The following GPR63 variants were observed in gnomAD, a reference collection of about 807,000 sequenced individuals.
The protein encoded by GPR63 is G protein-coupled receptor 63, also known as probable G protein-coupled receptor 63.
A neutral mutation model predicts 23.1 loss-of-function variants in GPR63; 12 were observed. The ratio of observed to expected loss-of-function variants is 0.52; its 90% CI spans 0.33 to 0.84. GPR63 has a LOEUF of 0.84. GPR63 is among the 40% of genes least tolerant of loss of function. The pLI is 0.02. For missense variants in GPR63, 472 were observed against 515.6 expected (o/e 0.92, Z 0.82); for synonymous variants, 172 against 191.1 (o/e 0.90, Z 0.82).
At chr6:96,819,163 T>C (rs1774234707) in intron 1 of GPR63, among the ~76,000 whole-genome samples, 1 of 152,214 alleles carries the variant, frequency 6.6e-6, no homozygotes, top group Non-Finnish European at 1.5e-5. Flanking sequence ...GCAATCCCAC[T>C]ACTGGGTATA....
At chr6:96,816,300 A>G (rs564911870) in intron 1 of GPR63, among the ~76,000 whole-genome samples, 176 of 152,328 alleles carry the variant, frequency 1.2e-3, no homozygotes, top group African/African-American at 4.0e-3. Context: ...CAAGATGAAA[A>G]TAATTCTAGC....
intron 1 of GPR63, among the ~76,000 whole-genome samples, chr6:96,829,144 T>C (rs570500632): frequency 2.3e-4 from 35 of 152,196 alleles, no homozygotes; most frequent in Non-Finnish European, 4.4e-4. Flanking sequence ...TTTCATCTTA[T>C]AGATACACAT....
At chr6:96,801,804 AC>A (rs1238160524) in intron 1 of GPR63, among the ~76,000 whole-genome samples, 1 of 152,174 alleles carries the variant, frequency 6.6e-6, no homozygotes, top group East Asian at 1.9e-4. Flanking sequence ...TACAAAACAT[AC>A]CTGGATAAGA....
intron 1 of GPR63, among the ~76,000 whole-genome samples, chr6:96,817,008 A>C (rs1774181122): frequency 6.6e-6 from 1 of 152,258 alleles, no homozygotes; most frequent in Admixed American, 6.5e-5. Context: ...AGCACTGGCT[A>C]TAAAGAGTGA....
In GPR63 at chr6:96,797,734, TCC is replaced by T. The variant is rs1773628490; in HGVS notation, c.*736_*737del. ...CATTCACCTTTTAAATTTGCAAGGATCCTGTCTCCTAGATTTTGCGCTATTGC... is the reference window on the plus strand; with the variant it reads ...CATTCACCTTTTAAATTTGCAAGGATTGTCTCCTAGATTTTGCGCTATTGC... On this transcript the variant is annotated 3_prime_UTR_variant, in exon 2 of 2. Transcript: ENST00000229955. 6.6e-6 allele frequency: 1 copy of T among 152,240 alleles called. No homozygotes were observed. The highest frequency in any genetic ancestry group is 1.5e-5 in the Non-Finnish European group (1 of 68,064). 9.4% of individuals were successfully genotyped at this position (152,240 alleles called of 1,614,324 possible). A position where few individuals can be genotyped will look rare whatever the true frequency, so the allele number is the denominator to read the frequency against.
Position 96,799,339 on chromosome 6 carries a change from T to C in GPR63, c.393A>G (p.Ala131=). 1.2e-5 allele frequency: 19 copies of C among 1,614,180 alleles called. No homozygotes were observed. Among genetic ancestry groups the C allele is most frequent in the Non-Finnish European group, 1.4e-5 (17 of 1,180,026 alleles). Reference sequence around the variant, plus strand: ...CCAGGGCAAAGGGCATGTTCAGCACTGCAAGCAACATGTCTGCAAAAGCTA... The same window carrying C: ...CCAGGGCAAAGGGCATGTTCAGCACCGCAAGCAACATGTCTGCAAAAGCTA... The part of the protein sequence containing the change: ...ASLAFADMLL[A]VLNMPFALVT... The change falls in exon 2 of 2, where the codon GCA becomes GCG. Residue 131 remains alanine, a synonymous_variant. Coordinates refer to ENST00000229955, the MANE Select transcript of GPR63 (RefSeq NM_030784.4).
chr6:96,800,276 A>AT (rs767092393), intron 1 of GPR63, among the ~76,000 whole-genome samples: 1 of 151,308 alleles, frequency 6.6e-6, no homozygotes, highest in African/African-American at 2.4e-5. Flanking sequence ...CTTGAGCACT[A>AT]TTTTTTTTTA....
At position 96,798,780 on chromosome 6, in the gene GPR63, T is replaced by C; in HGVS notation, c.952A>G (p.Ile318Val). ...CAGACAATGAAGACAGCAAAGAGAA[T>C]CAAAATAGTGGTGAAGGCACGTGTT... ...FKTRAFTTIL[I>V]LFAVFIVCWA... The change falls in exon 2 of 2, where the codon ATT becomes GTT. Residue 318 changes from isoleucine (I) to valine (V), a missense_variant. By Grantham distance (29) the Ile-to-Val change is conservative. Transcript: ENST00000229955. 1 of 1,614,092 alleles carries C rather than the reference T, an allele frequency of 6.2e-7. No homozygotes were observed. The highest frequency in any genetic ancestry group is 8.5e-7 in the Non-Finnish European group (1 of 1,180,024).
intron 1 of GPR63, among the ~76,000 whole-genome samples, chr6:96,816,420 G>A (rs1774164682): frequency 1.3e-5 from 2 of 152,080 alleles, no homozygotes; most frequent in East Asian, 1.9e-4. Flanking sequence ...AGAGACTTCC[G>A]CTTCTAGCAA....
intron 1 of GPR63, among the ~76,000 whole-genome samples, chr6:96,835,153 G>C (rs6911816): frequency 0.28 from 42,623 of 151,860 alleles, 6,041 homozygotes; most frequent in South Asian, 0.31. Flanking sequence ...TTAAGAGTTC[G>C]AGAACATACT....
At chr6:96,816,153 T>C (rs1301816178) in intron 1 of GPR63, among the ~76,000 whole-genome samples, 1 of 152,210 alleles carries the variant, frequency 6.6e-6, no homozygotes, top group East Asian at 1.9e-4. Context: ...AATAATAATG[T>C]ATATTAGCAA....
rs1018072319 is a variant in GPR63 at position 96,801,725 on chromosome 6, G to A, written c.-150-1844C>T. Among the ~76,000 whole-genome samples the A allele has an allele frequency of 9.9e-5, 15 of 152,172 alleles. No individual in the cohort carries two copies. The East Asian group carries it at 1.4e-3, about 14-fold the overall frequency. ...TCAAAATATCAACTTTACTACTTGC[G>A]TTCACTTCTACGGTTTAATTTCTTT... On this transcript the variant is annotated intron_variant, in intron 1 of 1. Coordinates refer to ENST00000229955, the MANE Select transcript of GPR63 (RefSeq NM_030784.4).
intron 1 of GPR63, among the ~76,000 whole-genome samples, chr6:96,804,721 T>C (rs927658746): frequency 6.6e-6 from 1 of 152,150 alleles, no homozygotes. Context: ...TTTTGGTTTA[T>C]CACTTAAATA....
intron 1 of GPR63, among the ~76,000 whole-genome samples, chr6:96,814,651 T>A (rs1161854291): frequency 1.3e-5 from 2 of 152,182 alleles, no homozygotes; most frequent in African/African-American, 4.8e-5. Flanking sequence ...GGTACTTTCA[T>A]TCCACTTAAT....
At chr6:96,804,594 C>T (rs989635489) in intron 1 of GPR63, among the ~76,000 whole-genome samples, 4 of 152,098 alleles carry the variant, frequency 2.6e-5, no homozygotes, top group South Asian at 4.1e-4. Flanking sequence ...GATCATCAAA[C>T]CCTGTCCCAA....
At chr6:96,826,522 T>C (rs1406560233) in intron 1 of GPR63, among the ~76,000 whole-genome samples, 1 of 152,066 alleles carries the variant, frequency 6.6e-6, no homozygotes, top group African/African-American at 2.4e-5. Flanking sequence ...GCTTTTTCTT[T>C]TCAAAAGCAA....
At chr6:96,810,853 C>T (rs1162437892) in intron 1 of GPR63, among the ~76,000 whole-genome samples, 3 of 152,156 alleles carry the variant, frequency 2.0e-5, no homozygotes, top group Admixed American at 1.3e-4. Context: ...TTTTTTTCCA[C>T]ATTAAATCAA....
intron 1 of GPR63, among the ~76,000 whole-genome samples, chr6:96,828,821 G>A (rs1774507785): frequency 6.6e-6 from 1 of 152,066 alleles, no homozygotes; most frequent in African/African-American, 2.4e-5. Context: ...AGGGAAAGGT[G>A]TGTCAAGCCC....
chr6:96,824,462 C>T (rs1167253091), intron 1 of GPR63, among the ~76,000 whole-genome samples: 1 of 151,830 alleles, frequency 6.6e-6, no homozygotes, highest in East Asian at 1.9e-4. Context: ...AGTCAAGTTT[C>T]CTGTGCAACC....
Sources: gnomAD v4.1 joint callset for allele counts (sites outside exome capture counted in the v4.1 genomes callset) on GRCh38, gnomAD v4.1.1 for gene constraint, MANE v1.5 for transcripts, NCBI Gene and HGNC (gene_info 2026-07-23, HGNC 2026-07-21) for gene names.